ATP2C1: variants seen among roughly 807,000 people sequenced by gnomAD.
ATP2C1 encodes calcium-transporting ATPase type 2C member 1.
In ATP2C1, 31 loss-of-function variants were observed where a neutral mutation model predicts 120.5. The observed-to-expected ratio is 0.26, with a 90% CI of 0.19 to 0.35. The LOEUF (loss-of-function observed/expected upper bound fraction) is 0.35. Ranked by LOEUF, ATP2C1 falls within the 10% of genes least tolerant of loss-of-function variation. The probability of loss-of-function intolerance (pLI) is 1.00; values close to 1 mark genes in which losing one functional copy is unlikely to be tolerated. For synonymous variants in ATP2C1, 351 were observed against 358.7 expected (o/e 0.98, Z 0.24); for missense variants, 731 against 1,107.5 (o/e 0.66, Z 4.83).
rs1209857966 is a variant in ATP2C1, at chr3:130,969,312, A to G, written c.1329A>G (p.Gln443=). The change falls in exon 17 of 28, where the codon CAA becomes CAG. Residue 443 remains glutamine, a synonymous_variant. Coordinates refer to ENST00000510168, the MANE Select transcript of ATP2C1 (RefSeq NM_001378687.1). ...LAMKMGLDGL[Q]QDYIRKAEYP... is the part of the protein sequence containing the mutation. Reference sequence around the variant, plus strand: ...TATAGATGGGTCTTGATGGACTTCAACAAGACTACATCAGAAAAGCTGAAT... The same window carrying G: ...TATAGATGGGTCTTGATGGACTTCAGCAAGACTACATCAGAAAAGCTGAAT... 1.2e-6 allele frequency: 2 copies of G among 1,613,432 alleles called. No homozygotes were observed. Among genetic ancestry groups the G allele is most frequent in the South Asian group, 1.1e-5 (1 of 91,078 alleles).
At chr3:130,998,662 T>C (rs868097941) in intron 26 of ATP2C1, among the ~76,000 whole-genome samples, 1 of 152,210 alleles carries the variant, frequency 6.6e-6, no homozygotes, top group African/African-American at 2.4e-5. Flanking sequence ...AGCTATAAGA[T>C]AGATCGTGGT....
At chr3:130,944,697 T>A (rs568918924) in intron 8 of ATP2C1, among the ~76,000 whole-genome samples, 1 of 152,366 alleles carries the variant, frequency 6.6e-6, no homozygotes, top group African/African-American at 2.4e-5. Flanking sequence ...TTATACTTTT[T>A]AAAGACTAAT....
intron 1 of ATP2C1, among the ~76,000 whole-genome samples, chr3:130,877,760 T>C (rs113535754): frequency 0.1 from 15,255 of 152,080 alleles, 873 homozygotes; most frequent in Non-Finnish European, 0.13. Context: ...ACTAGAAATA[T>C]CATTTGACCT....
intron 12 of ATP2C1, among the ~76,000 whole-genome samples, chr3:130,961,227 A>G (rs937432550): frequency 2.2e-5 from 3 of 136,872 alleles, no homozygotes; most frequent in Non-Finnish European, 4.7e-5. Context: ...CCATTGGATC[A>G]TTTTTAGTTT....
intron 2 of ATP2C1, among the ~76,000 whole-genome samples, chr3:130,909,470 T>G (rs2058290194): frequency 6.6e-6 from 1 of 152,224 alleles, no homozygotes; most frequent in African/African-American, 2.4e-5. Context: ...CTGCCCTTCA[T>G]ACTTCTCTAG....
chr3:130,995,029 C>A (rs1420260413), intron 22 of ATP2C1, among the ~76,000 whole-genome samples: 1 of 152,118 alleles, frequency 6.6e-6, no homozygotes, highest in African/African-American at 2.4e-5. Context: ...TCCTATATAT[C>A]TCATTGCCAT....
chr3:130,985,156 A>G (rs1414006670), intron 20 of ATP2C1, among the ~76,000 whole-genome samples: 1 of 152,226 alleles, frequency 6.6e-6, no homozygotes, highest in Non-Finnish European at 1.5e-5. Context: ...CAAAGTCAAC[A>G]TTGTGATCAT....
intron 12 of ATP2C1, 31 bp from the exon 13 acceptor site, chr3:130,963,940 C>T: frequency 6.2e-7 from 1 of 1,611,394 alleles, no homozygotes; most frequent in Non-Finnish European, 8.5e-7. Flanking sequence ...GTTTAACCTA[C>T]ATTTTAATAC....
intron 2 of ATP2C1, among the ~76,000 whole-genome samples, chr3:130,898,253 A>C (rs529169419): frequency 2.0e-5 from 3 of 152,236 alleles, no homozygotes; most frequent in African/African-American, 7.2e-5. Context: ...AGGTGTAGAG[A>C]ACAATGCCCC....
At chr3:130,974,383 C>T (rs1442305724) in intron 17 of ATP2C1, among the ~76,000 whole-genome samples, 1 of 152,182 alleles carries the variant, frequency 6.6e-6, no homozygotes, top group Non-Finnish European at 1.5e-5. Context: ...TGAGCACACA[C>T]TGTCACAGCA....
intron 2 of ATP2C1, among the ~76,000 whole-genome samples, chr3:130,908,233 T>TG (rs1323128724): frequency 6.6e-6 from 1 of 152,088 alleles, no homozygotes; most frequent in Non-Finnish European, 1.5e-5. Flanking sequence ...TACCTGTACT[T>TG]GCACAAATAT....
rs2058352420 is a variant in ATP2C1 at position 130,910,498 on chromosome 3, G to A, written c.6+15723G>A. The stretch of plus-strand genomic sequence containing the variant: ...TCCAACACTTTGTTGAATAGGAGTG[G>A]TGAGAGAGGGCATCCCTGTCTTGTG... On this transcript the variant is annotated intron_variant, in intron 2 of 27. Transcript: ENST00000510168. 2.8e-5 allele frequency among the ~76,000 whole-genome samples: 4 copies of A among 144,162 alleles called. No individual in the cohort carries two copies. In the South Asian group the frequency reaches 9.2e-4, roughly 33 times the overall value. The allele number at this position is 144,162 out of a possible 152,430, so 94.6% of individuals were successfully genotyped here.
At chr3:130,886,625 T>C (rs1436149962) in intron 1 of ATP2C1, among the ~76,000 whole-genome samples, 1 of 152,228 alleles carries the variant, frequency 6.6e-6, no homozygotes, top group Non-Finnish European at 1.5e-5. Flanking sequence ...ATTCTGCTAT[T>C]AAGAGACTCT....
At chr3:130,977,801 C>A (rs1259236632) in intron 18 of ATP2C1, among the ~76,000 whole-genome samples, 1 of 152,106 alleles carries the variant, frequency 6.6e-6, no homozygotes, top group Non-Finnish European at 1.5e-5. Flanking sequence ...CCATCCTCCC[C>A]CTGAGATTAC....
intron 26 of ATP2C1, among the ~76,000 whole-genome samples, chr3:131,012,821 T>G (rs1001293305): frequency 2.0e-5 from 3 of 152,198 alleles, no homozygotes; most frequent in African/African-American, 7.2e-5. Flanking sequence ...GGCAAATGAT[T>G]TATTGTGCCT....
chr3:130,938,998 A>G (rs2108428280), intron 6 of ATP2C1, among the ~76,000 whole-genome samples: 1 of 152,344 alleles, frequency 6.6e-6, no homozygotes, highest in East Asian at 1.9e-4. Flanking sequence ...AAATATGTTT[A>G]TGATAGGTAC....
chr3:130,885,835 G>A (rs1559882913), intron 1 of ATP2C1, among the ~76,000 whole-genome samples: 1 of 152,032 alleles, frequency 6.6e-6, no homozygotes, highest in Non-Finnish European at 1.5e-5. Context: ...TATTACCAGC[G>A]AGTTTGTACA....
chr3:130,900,483 C>T (rs566774349), intron 2 of ATP2C1, among the ~76,000 whole-genome samples: 2 of 152,108 alleles, frequency 1.3e-5, no homozygotes, highest in South Asian at 4.1e-4. Flanking sequence ...AAAAGCAGGA[C>T]CCTAAATAAT....
intron 20 of ATP2C1, among the ~76,000 whole-genome samples, chr3:130,983,522 G>A (rs1181549948): frequency 6.6e-6 from 1 of 152,086 alleles, no homozygotes; most frequent in East Asian, 1.9e-4. Flanking sequence ...TTTTTGTGTT[G>A]TACCTTTCTA....
Sources: allele counts gnomAD v4.1 joint callset (sites outside exome capture counted in the v4.1 genomes callset), GRCh38; gene constraint gnomAD v4.1.1; transcripts MANE v1.5; gene names NCBI Gene and HGNC (gene_info 2026-07-23, HGNC 2026-07-21).